Variants in ZNF37A observed in about 807,000 individuals in gnomAD.
ZNF37A encodes the protein zinc finger protein 37a (KOX 21).
In ZNF37A, 10 loss-of-function variants were observed where a neutral mutation model predicts 12.3. The observed-to-expected ratio is 0.82, with a 90% CI of 0.50 to 1.38. ZNF37A has a LOEUF of 1.38. Ranked by LOEUF, ZNF37A falls within the 40% of genes most tolerant of loss-of-function variation. The pLI is 0.00. For synonymous variants in ZNF37A, 207 were observed against 223.0 expected, an observed-to-expected ratio of 0.93 and a Z score of 0.64; for missense variants, 580 against 651.2, an observed-to-expected ratio of 0.89 and a Z score of 1.19.
chr10:38,135,378 C>T (rs1310542607), intron 7 of ZNF37A, among the ~76,000 whole-genome samples: 1 of 152,160 alleles, frequency 6.6e-6, no homozygotes, highest in African/African-American at 2.4e-5. Context: ...GAGTGAGACT[C>T]CGTCTCAAAA....
Position 38,115,295 on chromosome 10 carries a change from G to A in ZNF37A, c.238+5G>A. The A allele has an allele frequency of 6.2e-7, 1 of 1,612,748 alleles. No homozygotes were observed. The highest frequency in any genetic ancestry group is 8.5e-7 in the Non-Finnish European group (1 of 1,179,360). On this transcript the variant is annotated splice_donor_5th_base_variant and intron_variant, in intron 7 of 7. Coordinates refer to ENST00000685332, the MANE Select transcript of ZNF37A (RefSeq NM_001324250.3). ...TTCCAAGCCAGAGTCATCTGGGTGA[G>A]TTAGTATGTGCCAGATGGAATTTAA...
downstream of ZNF37A, among the ~76,000 whole-genome samples, chr10:38,126,468 A>T (rs1288981192): frequency 6.6e-6 from 1 of 152,206 alleles, no homozygotes; most frequent in African/African-American, 2.4e-5. Context: ...GACAGCATCC[A>T]CAATAAAGCT....
intron 5 of ZNF37A, among the ~76,000 whole-genome samples, chr10:38,110,147 A>G (rs1464988429): frequency 6.6e-6 from 1 of 152,244 alleles, no homozygotes; most frequent in African/African-American, 2.4e-5. Flanking sequence ...AAACAGATAT[A>G]TAGATCAATG....
At chr10:38,099,591 A>T (rs2067400900) in intron 5 of ZNF37A, among the ~76,000 whole-genome samples, 1 of 152,206 alleles carries the variant, frequency 6.6e-6, no homozygotes, top group Non-Finnish European at 1.5e-5. Flanking sequence ...GTGTACAACT[A>T]TCTCTTTGAG....
intron 5 of ZNF37A, among the ~76,000 whole-genome samples, chr10:38,101,397 C>A (rs950106791): frequency 2.0e-5 from 3 of 149,752 alleles, no homozygotes; most frequent in African/African-American, 7.4e-5. Flanking sequence ...TCCAGTTTTT[C>A]CAACACTATC....
intron 7 of ZNF37A, among the ~76,000 whole-genome samples, chr10:38,132,107 A>AT (rs1210030287): frequency 3.3e-5 from 5 of 151,986 alleles, no homozygotes; most frequent in African/African-American, 1.2e-4. Flanking sequence ...GGATGTTTTT[A>AT]TTTTTCCTAT....
At chr10:38,125,383 A>G (rs887190507), downstream of ZNF37A, 3 of 152,208 alleles carry the variant, frequency 2.0e-5, no homozygotes, top group African/African-American at 7.2e-5. Context: ...TACAGAAAAA[A>G]TATGAATGGC....
rs138992953 is a variant in ZNF37A at position 38,107,028 on chromosome 10, A to C, written c.16-7727A>C. 2.3e-3 allele frequency among the ~76,000 whole-genome samples: 354 copies of C among 152,314 alleles called. 2 individuals carry two copies. The highest frequency in any genetic ancestry group is 6.8e-3 in the Middle Eastern group (2 of 294). On this transcript the variant is annotated intron_variant, in intron 5 of 7. Coordinates refer to ENST00000685332, the MANE Select transcript of ZNF37A (RefSeq NM_001324250.3). ...AACACCACAAAGATACTCGTAAAGA[A>C]GAGCAACCCAAGACACATAATCATC...
chr10:38,146,453 A>G (rs940856075), intron 7 of ZNF37A, among the ~76,000 whole-genome samples: 17 of 152,132 alleles, frequency 1.1e-4, no homozygotes, highest in African/African-American at 4.1e-4. Flanking sequence ...AAACAGCTAG[A>G]TTGGACTTAG....
At position 38,118,204 on chromosome 10, in the gene ZNF37A, G is replaced by A. The variant is rs1446119705; in HGVS notation, c.1053G>A (p.Gly351=). 1.9e-6 allele frequency: 3 copies of A among 1,613,452 alleles called. No individual in the cohort carries two copies. Among genetic ancestry groups the A allele is most frequent in the Non-Finnish European group, 2.5e-6 (3 of 1,179,836 alleles). Reference sequence around the variant, plus strand: ...CTCAACATCAAAGAACGCACACAGGGGAGAAACCATATGAATGTCATGAAT... The same window carrying A: ...CTCAACATCAAAGAACGCACACAGGAGAGAAACCATATGAATGTCATGAAT... ...TLTQHQRTHT[G]EKPYECHECG... Residue 351 remains glycine, a synonymous_variant, in exon 8 of 8, where the codon GGG becomes GGA. Coordinates refer to ENST00000685332, the MANE Select transcript of ZNF37A (RefSeq NM_001324250.3).
intron 5 of ZNF37A, among the ~76,000 whole-genome samples, chr10:38,112,730 ATTTTCTTTTCTTTTCTTTTC>A (rs545261135): frequency 0.028 from 2,200 of 77,480 alleles, 139 homozygotes; most frequent in Middle Eastern, 0.08. Context: ...TTTTACATCC[ATTTTCTTTTCTTTTCTTTTC>A]TTTTCTTTTC....
rs774414187 is a variant in ZNF37A, at chr10:38,114,200, A to G, written c.16-555A>G. 7.2e-5 allele frequency among the ~76,000 whole-genome samples: 11 copies of G among 152,346 alleles called. No individual in the cohort carries two copies. In the East Asian group the frequency reaches 2.1e-3, roughly 29 times the overall value. On this transcript the variant is annotated intron_variant, in intron 5 of 7. Coordinates refer to ENST00000685332, the MANE Select transcript of ZNF37A (RefSeq NM_001324250.3). ...CTGCAACCTTTACCTCATCACAGGTAAGACATGCTCTTATCCTGTTAAGCA... is the reference window on the plus strand; with the variant it reads ...CTGCAACCTTTACCTCATCACAGGTGAGACATGCTCTTATCCTGTTAAGCA...
In ZNF37A at chr10:38,122,719, C is replaced by T. The variant is rs2069779328; in HGVS notation, c.*3882C>T. 6.6e-6 allele frequency: 1 copy of T among 152,130 alleles called. No individual in the cohort carries two copies. The highest frequency in any genetic ancestry group is 2.4e-5 in the African/African-American group (1 of 41,442). 9.4% of individuals were successfully genotyped at this position (152,130 alleles called of 1,614,324 possible). On this transcript the variant is annotated 3_prime_UTR_variant, in exon 8 of 8. Transcript: ENST00000685332. ...AAATCTAAGACCTCAAACTATGAAACAGCTAAAAGAAAACATCGGGGAATC... is the reference window on the plus strand; with the variant it reads ...AAATCTAAGACCTCAAACTATGAAATAGCTAAAAGAAAACATCGGGGAATC...
intron 7 of ZNF37A, among the ~76,000 whole-genome samples, chr10:38,116,293 A>G (rs1356015873): frequency 6.6e-6 from 1 of 152,202 alleles, no homozygotes; most frequent in African/African-American, 2.4e-5. Flanking sequence ...ACAGAACTGC[A>G]TGAAATATTT....
chr10:38,115,125 G>C, intron 6 of ZNF37A, 70 bp from the exon 7 acceptor site: 8 of 1,136,008 alleles, frequency 7.0e-6, no homozygotes, highest in South Asian at 5.5e-5. Context: ...GTACTGTTTG[G>C]GGTATACTGT....
chr10:38,129,798 T>C (rs573352545), downstream of ZNF37A, among the ~76,000 whole-genome samples: 1 of 152,200 alleles, frequency 6.6e-6, no homozygotes, highest in Non-Finnish European at 1.5e-5. Flanking sequence ...GTTTGTAGTT[T>C]TGGGTTTTGT....
rs1249182501 is a variant in ZNF37A at position 38,119,008 on chromosome 10, G to A, written c.*171G>A. ...GCAGGAAAACATTATTCTGGAATTT[G>A]GACCATACACTATGTTACAAAACTA... On this transcript the variant is annotated 3_prime_UTR_variant, in exon 8 of 8. Coordinates refer to ENST00000685332, the MANE Select transcript of ZNF37A (RefSeq NM_001324250.3). The A allele has an allele frequency of 1.2e-5, 16 of 1,326,252 alleles. No individual in the cohort carries two copies. The highest frequency in any genetic ancestry group is 1.5e-5 in the Non-Finnish European group (16 of 1,042,420). 82.2% of individuals were successfully genotyped at this position (1,326,252 alleles called of 1,614,324 possible).
rs2069531226 is a variant in ZNF37A, at chr10:38,119,073, A to G, written c.*236A>G. ...TTATTGGTGAATGAATATAGGAAAC[A>G]TTTTGCCCAATGCCACTCTTCATTA... On this transcript the variant is annotated 3_prime_UTR_variant, in exon 8 of 8. Coordinates refer to ENST00000685332, the MANE Select transcript of ZNF37A (RefSeq NM_001324250.3). 8.4e-7 allele frequency: 1 copy of G among 1,193,912 alleles called. No individual in the cohort carries two copies. Among genetic ancestry groups the G allele is most frequent in the African/African-American group, 1.6e-5 (1 of 63,424 alleles). 74.0% of individuals were successfully genotyped at this position (1,193,912 alleles called of 1,614,324 possible).
At position 38,112,132 on chromosome 10, in the gene ZNF37A, CAAAAAAAAAAAAACT is replaced by C. The variant is rs1223520492; in HGVS notation, c.16-2613_16-2599del. On this transcript the variant is annotated intron_variant, in intron 5 of 7. Transcript: ENST00000685332. ...AGGCCAGGATTCAAACAACAACCAC[CAAAAAAAAAAAAACT>C]AAAAAAAAACCCAACAAAACCCCTT... is the stretch of plus-strand genomic sequence containing the variant. Among the ~76,000 whole-genome samples, 594 of 117,818 alleles carry C rather than the reference CAAAAAAAAAAAAACT, an allele frequency of 5.0e-3. 7 individuals carry two copies. Among genetic ancestry groups the C allele is most frequent in the African/African-American group, 0.018 (565 of 31,648 alleles). The allele number at this position is 117,818 out of a possible 152,430, so 77.3% of individuals were successfully genotyped here.
Sources: allele counts gnomAD v4.1 joint callset (sites outside exome capture counted in the v4.1 genomes callset), GRCh38; gene constraint gnomAD v4.1.1; transcripts MANE v1.5; gene names NCBI Gene and HGNC (gene_info 2026-07-23, HGNC 2026-07-21).